The following POLR3E variants were observed in gnomAD, a reference collection of about 807,000 sequenced individuals.
POLR3E encodes the protein RNA polymerase III subunit E.
Under a neutral mutation model 96.6 loss-of-function variants are expected in POLR3E, and 41 were observed. That is an observed-to-expected ratio of 0.42 (90% CI 0.33 to 0.55). POLR3E has a LOEUF of 0.55. POLR3E is among the 20% of genes least tolerant of loss of function. The probability of loss-of-function intolerance (pLI) is 0.06; values close to 1 mark genes in which losing one functional copy is unlikely to be tolerated. For synonymous variants in POLR3E, 396 were observed against 383.6 expected, an observed-to-expected ratio of 1.03 and a Z score of -0.38; for missense variants, 849 against 952.1, an observed-to-expected ratio of 0.89 and a Z score of 1.43.
chr16:22,314,901 C>A, intron 8 of POLR3E, 188 bp from the exon 9 acceptor site: 1 of 555,958 alleles, frequency 1.8e-6, no homozygotes, highest in Non-Finnish European at 3.1e-6. Context: ...ATAAGCCGTT[C>A]CCTGGCGTGT....
intron 16 of POLR3E, 148 bp downstream of exon 16, chr16:22,324,808 G>T: frequency 1.2e-6 from 1 of 839,538 alleles, no homozygotes. Context: ...TGAAGGGCAG[G>T]TGGGGGTCCG....
rs967996520 is a variant in POLR3E, at chr16:22,322,153, C to G, written c.987-697C>G. On this transcript the variant is annotated intron_variant, in intron 13 of 20. Transcript: ENST00000299853. This position sits in a 1 kb window ranked among gnomAD's most constrained non-coding sequence, Gnocchi z 5.2. ...GAGCGTGGCCTTGCAGGATGAGTGACAGTTGGTTGCCAGGTGGACCTGAGC... is the reference window on the plus strand; with the variant it reads ...GAGCGTGGCCTTGCAGGATGAGTGAGAGTTGGTTGCCAGGTGGACCTGAGC... Among the ~76,000 whole-genome samples the G allele has an allele frequency of 6.6e-6, 1 of 152,170 alleles. No individual in the cohort carries two copies. Among genetic ancestry groups the G allele is most frequent in the African/African-American group, 2.4e-5 (1 of 41,432 alleles).
At position 22,297,462 on chromosome 16, in the gene POLR3E, G is replaced by C. The variant is rs1009123372; in HGVS notation, c.-114G>C. 6.6e-6 allele frequency: 1 copy of C among 152,568 alleles called. No individual in the cohort carries two copies. Among genetic ancestry groups the C allele is most frequent in the African/African-American group, 2.4e-5 (1 of 41,468 alleles). The allele number at this position is 152,568 out of a possible 1,614,324, so 9.5% of individuals were successfully genotyped here. Reference sequence around the variant, plus strand: ...AACATGGCCGCCGCCTGAGAGGAGAGCCGGGCCGCCGCCGTCTCTGCAGCC... The same window carrying C: ...AACATGGCCGCCGCCTGAGAGGAGACCCGGGCCGCCGCCGTCTCTGCAGCC... On this transcript the variant is annotated 5_prime_UTR_variant, in exon 1 of 21. Coordinates refer to ENST00000299853, the MANE Select transcript of POLR3E (RefSeq NM_018119.4).
Position 22,305,136 on chromosome 16 carries a change from T to A in POLR3E, c.37-20T>A. On this transcript the variant is annotated intron_variant, in intron 2 of 20. Coordinates refer to ENST00000299853, the MANE Select transcript of POLR3E (RefSeq NM_018119.4). ...CACTGTGTCCAGTCTCCCGGTTAAGTCGTCTTCCCTTCTTCCCAGATCGAT... is the reference window on the plus strand; with the variant it reads ...CACTGTGTCCAGTCTCCCGGTTAAGACGTCTTCCCTTCTTCCCAGATCGAT... 6.2e-7 allele frequency: 1 copy of A among 1,609,238 alleles called. No homozygotes were observed. Among genetic ancestry groups the A allele is most frequent in the Non-Finnish European group, 8.5e-7 (1 of 1,175,574 alleles).
rs573925570 is a variant in POLR3E at position 22,328,365 on chromosome 16, G to A, written c.1867-145G>A. 1.7e-4 allele frequency: 115 copies of A among 686,306 alleles called. No homozygotes were observed. The East Asian group carries it at 2.1e-3, about 13-fold the overall frequency. 42.5% of individuals were successfully genotyped at this position (686,306 alleles called of 1,614,324 possible). A position where few individuals can be genotyped will look rare whatever the true frequency, so the allele number is the denominator to read the frequency against. On this transcript the variant is annotated intron_variant, in intron 18 of 20. Coordinates refer to ENST00000299853, the MANE Select transcript of POLR3E (RefSeq NM_018119.4). Reference sequence around the variant, plus strand: ...GAGGCACAGGTTTGTGGCTGCCCAAGGCCCTCAGAGATGGTGAGTAGCAGA... The same window carrying A: ...GAGGCACAGGTTTGTGGCTGCCCAAAGCCCTCAGAGATGGTGAGTAGCAGA...
chr16:22,315,365 C>T (rs1375940154), intron 9 of POLR3E, among the ~76,000 whole-genome samples, 157 bp downstream of exon 9: 1 of 152,192 alleles, frequency 6.6e-6, no homozygotes, highest in African/African-American at 2.4e-5. Context: ...TTCACTCCAG[C>T]CGAGCCACTT....
At chr16:22,316,970 C>T in intron 10 of POLR3E, 25 bp from the exon 11 acceptor site, 2 of 1,613,556 alleles carry the variant, frequency 1.2e-6, no homozygotes, top group Non-Finnish European at 1.7e-6. Context: ...AGCCCTGAGC[C>T]TCTGCCCCTG....
At chr16:22,320,671 A>G (rs546457972) in intron 13 of POLR3E, among the ~76,000 whole-genome samples, 2 of 152,290 alleles carry the variant, frequency 1.3e-5, no homozygotes, top group South Asian at 4.1e-4. Context: ...TTCTTTCTGC[A>G]TCTCTAAGTT....
chr16:22,298,518 A>C (rs1026849399), intron 1 of POLR3E, among the ~76,000 whole-genome samples: 2 of 152,204 alleles, frequency 1.3e-5, no homozygotes, highest in Non-Finnish European at 2.9e-5. Context: ...TACCAAACCC[A>C]GACAACTCAG....
rs772727182 is a variant in POLR3E at position 22,309,476 on chromosome 16, C to T, written c.330C>T (p.Asn110=). The T allele has an allele frequency of 3.7e-6, 6 of 1,613,928 alleles. No homozygotes were observed. Among genetic ancestry groups the T allele is most frequent in the South Asian group, 2.2e-5 (2 of 91,080 alleles). ...TCTGCTCTTCCCAGACCACCAGTAA[C>T]ACATCCCGTTATGCCGCTGCACTCT... The part of the protein sequence containing the change: ...QTFCSSQTTS[N]TSRYAAALYR... Residue 110 remains asparagine, a synonymous_variant, in exon 6 of 21, where the codon AAC becomes AAT. Transcript: ENST00000299853.
At chr16:22,307,442 T>C (rs927889893) in intron 3 of POLR3E, among the ~76,000 whole-genome samples, 4 of 152,198 alleles carry the variant, frequency 2.6e-5, no homozygotes, top group African/African-American at 9.6e-5. Flanking sequence ...CAGGCTGTCA[T>C]GAGACCAGGC....
intron 8 of POLR3E, chr16:22,314,837 C>T (rs1003524005): frequency 4.8e-5 from 17 of 351,764 alleles, no homozygotes; most frequent in Middle Eastern, 1.6e-3. Context: ...CTGGCTCTGG[C>T]GCCTGGGACT....
chr16:22,314,341 G>T (rs1238448113), intron 8 of POLR3E, among the ~76,000 whole-genome samples: 1 of 152,178 alleles, frequency 6.6e-6, no homozygotes, highest in Non-Finnish European at 1.5e-5. Flanking sequence ...TGTGCCTGGG[G>T]CTTGGCTAGA....
chr16:22,308,259 AAG>A lies in POLR3E; in HGVS notation c.165+39_165+40del, dbSNP rs746913182. ...GCCCCCTGAGGGCAGTTGGGGCCGAAAGAGAGGGTGATGAGGGTGGGAGCTGG... is the reference window on the plus strand; with the variant it reads ...GCCCCCTGAGGGCAGTTGGGGCCGAAAGAGGGTGATGAGGGTGGGAGCTGG... On this transcript the variant is annotated intron_variant, in intron 4 of 20. Transcript: ENST00000299853. The A allele has an allele frequency of 1.9e-6, 3 of 1,539,600 alleles. 1 individual carries two copies. The highest frequency in any genetic ancestry group is 2.7e-6 in the Non-Finnish European group (3 of 1,112,206).
chr16:22,312,861 G>A (rs868545854), intron 6 of POLR3E, among the ~76,000 whole-genome samples: 4 of 107,850 alleles, frequency 3.7e-5, no homozygotes, highest in South Asian at 6.3e-4. Context: ...GTGACAGAGC[G>A]ACACTCCATC....
chr16:22,329,783 G>C (rs1257294963), intron 19 of POLR3E, among the ~76,000 whole-genome samples: 1 of 152,154 alleles, frequency 6.6e-6, no homozygotes, highest in East Asian at 1.9e-4. Flanking sequence ...CCCCTCAGAG[G>C]TGACCACTTT....
chr16:22,332,119 C>A lies in POLR3E; in HGVS notation c.2004C>A (p.Ile668=). The part of the protein sequence containing the change: ...SKNYRVRRNM[I]QSRLTQECGE... ...ATTACCGGGTACGCCGAAACATGATCCAGTCTCGGTTGACTCAAGAGTGTG... is the reference window on the plus strand; with the variant it reads ...ATTACCGGGTACGCCGAAACATGATACAGTCTCGGTTGACTCAAGAGTGTG... Residue 668 remains isoleucine (I), a synonymous_variant, in exon 20 of 21, where the codon ATC becomes ATA. Coordinates refer to ENST00000299853, the MANE Select transcript of POLR3E (RefSeq NM_018119.4). 6.2e-7 allele frequency: 1 copy of A among 1,613,572 alleles called. No homozygotes were observed. Among genetic ancestry groups the A allele is most frequent in the Non-Finnish European group, 8.5e-7 (1 of 1,179,510 alleles).
At chr16:22,332,240 AGT>A in intron 20 of POLR3E, 55 bp downstream of exon 20, 1 of 1,525,908 alleles carries the variant, frequency 6.6e-7, no homozygotes, top group Non-Finnish European at 9.0e-7. Context: ...AGGGGCTGAC[AGT>A]GTGTAGAAGG....
rs1468166527 is a variant in POLR3E at position 22,334,152 on chromosome 16, A to G, written c.*452A>G. On this transcript the variant is annotated 3_prime_UTR_variant, in exon 21 of 21. Coordinates refer to ENST00000299853, the MANE Select transcript of POLR3E (RefSeq NM_018119.4). The stretch of plus-strand genomic sequence containing the variant: ...AGAAGACAATATTTAGTCTTGGATT[A>G]TCTATCTGCTAAGACCTCCACCAAT... 6.5e-6 allele frequency: 1 copy of G among 154,580 alleles called. No individual in the cohort carries two copies. Among genetic ancestry groups the G allele is most frequent in the Non-Finnish European group, 1.4e-5 (1 of 69,660 alleles). The allele number at this position is 154,580 out of a possible 1,614,324, so 9.6% of individuals were successfully genotyped here. A position where few individuals can be genotyped will look rare whatever the true frequency, so the allele number is the denominator to read the frequency against.
Sources: gnomAD v4.1 joint callset for allele counts (sites outside exome capture counted in the v4.1 genomes callset) on GRCh38, gnomAD v4.1.1 for gene constraint, Gnocchi (gnomAD v3.1) non-coding constraint, MANE v1.5 for transcripts, NCBI Gene and HGNC (gene_info 2026-07-23, HGNC 2026-07-21) for gene names.